The following KLHL14 variants were observed in gnomAD, a reference collection of about 807,000 sequenced individuals.
The protein encoded by KLHL14 is kelch-like protein 14.
In KLHL14, 22 loss-of-function variants were observed where a neutral mutation model predicts 64.3. That is an observed-to-expected ratio of 0.34 (90% confidence interval 0.24 to 0.49). The LOEUF (loss-of-function observed/expected upper bound fraction) is 0.49. KLHL14 is among the 20% of genes least tolerant of loss of function. The pLI, the probability that KLHL14 is intolerant of heterozygous loss-of-function variation, is 0.99. For synonymous variants in KLHL14, 322 were observed against 333.4 expected (o/e 0.97, Z 0.37); for missense variants, 661 against 789.0 (o/e 0.84, Z 1.94).
intron 4 of KLHL14, among the ~76,000 whole-genome samples, chr18:32,694,037 T>C (rs985739431): frequency 6.6e-6 from 1 of 152,182 alleles, no homozygotes; most frequent in African/African-American, 2.4e-5. Context: ...GTGTTGCTGC[T>C]TAAGATCTGA....
chr18:32,692,386 TAC>T (rs141789610), intron 4 of KLHL14, among the ~76,000 whole-genome samples: 4,674 of 152,296 alleles, frequency 0.031, 171 homozygotes, highest in African/African-American at 0.085. Context: ...GGGACTGACA[TAC>T]ATAACATCCG....
Position 32,674,600 on chromosome 18 carries a change from T to G in KLHL14, c.*57A>C. ...TGCATTGTTCCTATTATAATAGTGA[T>G]GTCACCTGCCATTGCTTCCTAGAAT... On this transcript the variant is annotated 3_prime_UTR_variant, in exon 9 of 9. Coordinates refer to ENST00000359358, the MANE Select transcript of KLHL14 (RefSeq NM_020805.3). The G allele has an allele frequency of 1.3e-6, 1 of 763,350 alleles. No homozygotes were observed. The highest frequency in any genetic ancestry group is 2.5e-6 in the Non-Finnish European group (1 of 407,574). The allele number at this position is 763,350 out of a possible 1,614,324, so 47.3% of individuals were successfully genotyped here.
chr18:32,749,787 A>T (rs1367158602), intron 2 of KLHL14, among the ~76,000 whole-genome samples: 1 of 152,146 alleles, frequency 6.6e-6, no homozygotes, highest in Non-Finnish European at 1.5e-5. Context: ...GCAGCAATGT[A>T]TGGGAGTGAT....
At chr18:32,681,413 T>C (rs1157165924) in intron 5 of KLHL14, among the ~76,000 whole-genome samples, 1 of 152,046 alleles carries the variant, frequency 6.6e-6, no homozygotes, top group Non-Finnish European at 1.5e-5. Flanking sequence ...AAAGGGGTGA[T>C]GCAAATGATA....
intron 3 of KLHL14, chr18:32,738,097 C>A (rs2050175594): frequency 6.6e-6 from 1 of 152,056 alleles, no homozygotes; most frequent in Non-Finnish European, 1.5e-5. Flanking sequence ...CTGGAAAATA[C>A]CTTGCCCATC....
chr18:32,713,864 A>G (rs570317686), intron 3 of KLHL14, among the ~76,000 whole-genome samples: 12 of 152,188 alleles, frequency 7.9e-5, no homozygotes, highest in Non-Finnish European at 1.8e-4. Context: ...CAACACTGAA[A>G]TGAATATCTT....
At position 32,770,773 on chromosome 18, in the gene KLHL14, C is replaced by A; in HGVS notation, c.-43-139G>T. On this transcript the variant is annotated intron_variant, in intron 1 of 8. Transcript: ENST00000359358. The surrounding 1 kb of genome is among the most constrained non-coding windows in gnomAD (Gnocchi z 6.7). ...AAGGCTCAGCTTGACTCCCTCCTGG[C>A]GCGCTCCGGACCCCGACCCTAGGAG... is the stretch of plus-strand genomic sequence containing the variant. The A allele has an allele frequency of 5.2e-6, 3 of 572,082 alleles. No individual in the cohort carries two copies. The highest frequency in any genetic ancestry group is 5.7e-6 in the Non-Finnish European group (2 of 348,984). The allele number at this position is 572,082 out of a possible 1,614,324, so 35.4% of individuals were successfully genotyped here. A position where few individuals can be genotyped will look rare whatever the true frequency, so the allele number is the denominator to read the frequency against.
intron 4 of KLHL14, among the ~76,000 whole-genome samples, chr18:32,687,685 ATCT>A (rs1203551644): frequency 2.6e-5 from 4 of 152,184 alleles, no homozygotes; most frequent in African/African-American, 9.7e-5. Flanking sequence ...AACTTCTTAC[ATCT>A]TCTTTCTTTT....
At chr18:32,682,250 T>C (rs942242450) in intron 5 of KLHL14, among the ~76,000 whole-genome samples, 1 of 152,220 alleles carries the variant, frequency 6.6e-6, no homozygotes, top group African/African-American at 2.4e-5. Flanking sequence ...ATAGATATCA[T>C]TGATAATTTT....
chr18:32,749,512 A>T (rs1000366085), intron 2 of KLHL14, among the ~76,000 whole-genome samples: 7 of 152,156 alleles, frequency 4.6e-5, no homozygotes, highest in Admixed American at 1.3e-4. Context: ...TCTACTTGTA[A>T]CCAAAGCCAC....
chr18:32,721,182 C>T (rs9955000), intron 3 of KLHL14, among the ~76,000 whole-genome samples: 36,667 of 152,030 alleles, frequency 0.24, 4,626 homozygotes, highest in Middle Eastern at 0.32. Flanking sequence ...AATTCCATGC[C>T]GCTGGACACT....
At chr18:32,710,860 C>G (rs949145749) in intron 3 of KLHL14, among the ~76,000 whole-genome samples, 48 of 152,000 alleles carry the variant, frequency 3.2e-4, no homozygotes, top group African/African-American at 1.2e-3. Context: ...TGTTAGGCAC[C>G]TTTGGGTGCC....
At position 32,770,933 on chromosome 18, in the gene KLHL14, C is replaced by T; in HGVS notation, c.-43-299G>A. The T allele has an allele frequency of 2.2e-6, 1 of 460,958 alleles. No individual in the cohort carries two copies. Among genetic ancestry groups the T allele is most frequent in the South Asian group, 1.8e-5 (1 of 56,894 alleles). The allele number at this position is 460,958 out of a possible 1,614,324, so 28.6% of individuals were successfully genotyped here. The stretch of plus-strand genomic sequence containing the variant: ...TCCCTCACTTTCCTAAAACCAACCA[C>T]CTCAGCTCGGCTGTTGGCAGCAACA... On this transcript the variant is annotated intron_variant, in intron 1 of 8. Coordinates refer to ENST00000359358, the MANE Select transcript of KLHL14 (RefSeq NM_020805.3). This position sits in a 1 kb window ranked among gnomAD's most constrained non-coding sequence, Gnocchi z 6.7.
At chr18:32,705,192 A>G (rs1320186499) in intron 3 of KLHL14, among the ~76,000 whole-genome samples, 2 of 152,262 alleles carry the variant, frequency 1.3e-5, no homozygotes, top group African/African-American at 4.8e-5. Context: ...CTGAAATCTT[A>G]TAAGTTCTAT....
chr18:32,750,951 A>G (rs746154786), intron 2 of KLHL14, among the ~76,000 whole-genome samples: 6 of 152,160 alleles, frequency 3.9e-5, no homozygotes, highest in Non-Finnish European at 7.3e-5. Context: ...TACCTATCTT[A>G]TTATAACCTC....
intron 3 of KLHL14, among the ~76,000 whole-genome samples, chr18:32,708,615 C>T (rs983905682): frequency 6.6e-6 from 1 of 152,190 alleles, no homozygotes; most frequent in Non-Finnish European, 1.5e-5. Flanking sequence ...TTCTAGAGCA[C>T]CCCACTACCT....
intron 8 of KLHL14, among the ~76,000 whole-genome samples, chr18:32,675,430 T>C (rs1006826997): frequency 2.0e-5 from 3 of 152,034 alleles, no homozygotes; most frequent in Non-Finnish European, 4.4e-5. Context: ...AGAGAACAAA[T>C]TTACCTTAAA....
At chr18:32,681,948 T>C (rs2049841346) in intron 5 of KLHL14, among the ~76,000 whole-genome samples, 2 of 152,190 alleles carry the variant, frequency 1.3e-5, no homozygotes, top group African/African-American at 4.8e-5. Context: ...AGATTGCTCA[T>C]CTGGAACATG....
At chr18:32,702,966 T>G (rs1168641414) in intron 3 of KLHL14, among the ~76,000 whole-genome samples, 1 of 152,220 alleles carries the variant, frequency 6.6e-6, no homozygotes, top group Non-Finnish European at 1.5e-5. Flanking sequence ...CTCTCATAGT[T>G]CAAAACTGTA....
Sources: gnomAD v4.1 joint callset for allele counts (sites outside exome capture counted in the v4.1 genomes callset) on GRCh38, gnomAD v4.1.1 for gene constraint, Gnocchi (gnomAD v3.1) non-coding constraint, MANE v1.5 for transcripts, NCBI Gene and HGNC (gene_info 2026-07-23, HGNC 2026-07-21) for gene names.